Variants in TRIM37 observed in about 807,000 individuals in gnomAD.
TRIM37 encodes E3 ubiquitin-protein ligase TRIM37.
In TRIM37, 80 loss-of-function variants were observed where a neutral mutation model predicts 129.8. The ratio of observed to expected loss-of-function variants is 0.62; its 90% confidence interval spans 0.51 to 0.74. TRIM37 has a LOEUF of 0.74. Ranked by LOEUF, TRIM37 falls within the 30% of genes least tolerant of loss-of-function variation. TRIM37 has a pLI of 0.00. For synonymous variants in TRIM37, 389 were observed against 387.1 expected, an observed-to-expected ratio of 1.00 and a Z score of -0.06; for missense variants, 1,054 against 1,176.5, an observed-to-expected ratio of 0.90 and a Z score of 1.52.
intron 6 of TRIM37, among the ~76,000 whole-genome samples, chr17:59,080,360 T>G (rs2043153947): frequency 6.6e-6 from 1 of 152,230 alleles, no homozygotes; most frequent in Admixed American, 6.5e-5. Flanking sequence ...ATATTGCACT[T>G]TCAAGTCTGT....
intron 9 of TRIM37, among the ~76,000 whole-genome samples, chr17:59,065,097 T>C (rs2041824091): frequency 6.6e-6 from 1 of 152,000 alleles, no homozygotes; most frequent in Non-Finnish European, 1.5e-5. Context: ...AAGCTTTTTT[T>C]CCTAAAAGAA....
chr17:59,042,439 A>ATAT (rs1184637891), intron 16 of TRIM37, among the ~76,000 whole-genome samples: 3 of 82,122 alleles, frequency 3.7e-5, no homozygotes, highest in African/African-American at 6.2e-5. Context: ...TTTAAAAAAA[A>ATAT]AAAAAAAAAA....
At chr17:59,073,298 CT>C (rs913398259) in intron 8 of TRIM37, among the ~76,000 whole-genome samples, 280 of 145,890 alleles carry the variant, frequency 1.9e-3, no homozygotes, top group Non-Finnish European at 1.8e-3. Context: ...ATATTATTTA[CT>C]TTTTTTTTTT....
intron 5 of TRIM37, among the ~76,000 whole-genome samples, chr17:59,083,472 C>T (rs1339013632): frequency 1.3e-5 from 2 of 151,028 alleles, no homozygotes; most frequent in Admixed American, 6.6e-5. Context: ...CAACAGAACA[C>T]GACTTTAAAA....
chr17:59,010,785 G>A (rs369334268), intron 22 of TRIM37, among the ~76,000 whole-genome samples: 34 of 152,186 alleles, frequency 2.2e-4, no homozygotes, highest in African/African-American at 6.7e-4. Context: ...GAGCCACTGC[G>A]CTTGGTGGAA....
downstream of TRIM37, chr17:58,980,120 C>G (rs1299909234): frequency 6.2e-7 from 1 of 1,613,972 alleles, no homozygotes; most frequent in Non-Finnish European, 8.5e-7. The surrounding 1 kb of genome is among the most constrained non-coding windows in gnomAD (Gnocchi z 4.7). Flanking sequence ...TGTGTCCGAC[C>G]ACCTGAAAGA....
At chr17:58,993,651 T>C (rs1275697359), downstream of TRIM37, among the ~76,000 whole-genome samples, 1 of 152,090 alleles carries the variant, frequency 6.6e-6, no homozygotes, top group Non-Finnish European at 1.5e-5. Context: ...TGGTTACCTA[T>C]AAAGGGCCAG....
At chr17:58,978,676 A>C (rs1282878718), downstream of TRIM37, among the ~76,000 whole-genome samples, 1 of 152,138 alleles carries the variant, frequency 6.6e-6, no homozygotes, top group Non-Finnish European at 1.5e-5. Flanking sequence ...GTGCCACTGC[A>C]CTCCAGCCTG....
intron 17 of TRIM37, among the ~76,000 whole-genome samples, chr17:59,034,169 G>T (rs1348515872): frequency 1.3e-5 from 2 of 151,350 alleles, no homozygotes; most frequent in Non-Finnish European, 2.9e-5. Context: ...TACTCAGATC[G>T]TTCTTATGTA....
intron 5 of TRIM37, among the ~76,000 whole-genome samples, chr17:59,082,178 G>A (rs1271210280): frequency 2.0e-5 from 3 of 151,524 alleles, no homozygotes; most frequent in Admixed American, 6.6e-5. Flanking sequence ...GGCTGAGGCT[G>A]GAGAACCACT....
chr17:59,083,917 T>A (rs1256735637), intron 5 of TRIM37, 85 bp downstream of exon 5: 3 of 1,074,240 alleles, frequency 2.8e-6, no homozygotes, highest in Non-Finnish European at 4.3e-6. Context: ...TACGAGAGCA[T>A]AATGACACTA....
chr17:59,042,890 C>A (rs2039410547), intron 16 of TRIM37, among the ~76,000 whole-genome samples: 1 of 152,042 alleles, frequency 6.6e-6, no homozygotes, highest in African/African-American at 2.4e-5. Flanking sequence ...AGAGATTAAT[C>A]TCTCCTATTT....
At chr17:59,019,625 G>A (rs914068442) in intron 19 of TRIM37, among the ~76,000 whole-genome samples, 6 of 151,804 alleles carry the variant, frequency 4.0e-5, no homozygotes, top group African/African-American at 1.2e-4. Context: ...GGAGAATGGC[G>A]TGAACCCGGG....
the TRIM37 span, among the ~76,000 whole-genome samples, chr17:58,974,770 G>A: frequency 6.6e-6 from 1 of 152,166 alleles, no homozygotes; most frequent in Admixed American, 6.5e-5. Flanking sequence ...AAGAAAATCT[G>A]AAAGGATTTA....
chr17:59,104,542 T>C (rs781748997), intron 1 of TRIM37, 148 bp from the exon 2 acceptor site: 7 of 804,348 alleles, frequency 8.7e-6, no homozygotes, highest in Non-Finnish European at 1.6e-5. Context: ...TTGGTCAAGA[T>C]ACAGAGTACC....
chr17:59,069,729 T>C (rs2042208740), intron 9 of TRIM37, among the ~76,000 whole-genome samples: 1 of 152,196 alleles, frequency 6.6e-6, no homozygotes, highest in South Asian at 2.1e-4. Flanking sequence ...ACCCCCAATG[T>C]GACTGTATCT....
chr17:59,018,357 G>A (rs930257493), intron 19 of TRIM37, among the ~76,000 whole-genome samples: 2 of 151,952 alleles, frequency 1.3e-5, no homozygotes, highest in African/African-American at 4.8e-5. Flanking sequence ...AAATAAAATT[G>A]TAAAAAACAA....
At chr17:59,055,205 G>A (rs922952719) in intron 13 of TRIM37, among the ~76,000 whole-genome samples, 8 of 151,420 alleles carry the variant, frequency 5.3e-5, no homozygotes, top group Non-Finnish European at 7.4e-5. Flanking sequence ...GCATGGTGGC[G>A]CGTGCCTGCA....
At chr17:59,081,966 AT>A (rs1285142417) in intron 5 of TRIM37, among the ~76,000 whole-genome samples, 191 of 139,120 alleles carry the variant, frequency 1.4e-3, no homozygotes, top group Middle Eastern at 7.7e-3. Context: ...AAAAAAAAAA[AT>A]AATAATAATA....
Sources: gnomAD v4.1 joint callset for allele counts (sites outside exome capture counted in the v4.1 genomes callset) on GRCh38, gnomAD v4.1.1 for gene constraint, Gnocchi (gnomAD v3.1) non-coding constraint, MANE v1.5 for transcripts, NCBI Gene and HGNC (gene_info 2026-07-23, HGNC 2026-07-21) for gene names.